CRHBP: variants seen among roughly 807,000 people sequenced by gnomAD.
CRHBP encodes the protein corticotropin-releasing hormone-binding protein.
A neutral mutation model predicts 34.9 loss-of-function variants in CRHBP; 19 were observed. That is an observed-to-expected ratio of 0.55 (90% CI 0.38 to 0.80). CRHBP has a LOEUF of 0.80. Among genes scored for constraint, CRHBP ranks in the 30% least tolerant of loss-of-function variants. The probability of loss-of-function intolerance (pLI) is 0.00; values close to 1 mark genes in which losing one functional copy is unlikely to be tolerated. For missense variants in CRHBP, 328 were observed against 409.2 expected (o/e 0.80, Z 1.71); for synonymous variants, 154 against 153.4 (o/e 1.00, Z -0.03).
At chr5:76,971,811 T>G (rs532817666), downstream of CRHBP, among the ~76,000 whole-genome samples, 1 of 152,196 alleles carries the variant, frequency 6.6e-6, no homozygotes, top group African/African-American at 2.4e-5. Context: ...ATTCTCCATC[T>G]CTGTAATCTT....
At chr5:76,973,834 T>C (rs1302954695), downstream of CRHBP, among the ~76,000 whole-genome samples, 1 of 125,552 alleles carries the variant, frequency 8.0e-6, no homozygotes, top group Non-Finnish European at 1.7e-5. Context: ...AGACAGAGTC[T>C]TGCTCTGTCA....
intron 1 of CRHBP, 103 bp from the exon 2 acceptor site, chr5:76,953,498 C>T: frequency 8.5e-7 from 1 of 1,181,026 alleles, no homozygotes; most frequent in Non-Finnish European, 1.2e-6. Context: ...ACCCCTCTCT[C>T]TTTATTCGCT....
At chr5:76,963,513 T>G in intron 6 of CRHBP, 53 bp downstream of exon 6, 1 of 1,453,922 alleles carries the variant, frequency 6.9e-7, no homozygotes, top group Non-Finnish European at 9.5e-7. Flanking sequence ...TAAAAAAAAA[T>G]AAGCACTCCC....
At chr5:76,965,011 A>T (rs1057438520) in intron 6 of CRHBP, among the ~76,000 whole-genome samples, 6 of 151,708 alleles carry the variant, frequency 4.0e-5, no homozygotes, top group African/African-American at 1.5e-4. Context: ...GAAAAGAATC[A>T]GGTAAAAAAA....
At chr5:76,953,365 TCTCC>T in intron 1 of CRHBP, 150 bp downstream of exon 1, 1 of 849,150 alleles carries the variant, frequency 1.2e-6, no homozygotes, top group Non-Finnish European at 1.9e-6. Flanking sequence ...CCTATCCTGT[TCTCC>T]CTCCTTGCCT....
intron 6 of CRHBP, among the ~76,000 whole-genome samples, chr5:76,967,246 A>T (rs1745873624): frequency 6.6e-6 from 1 of 152,258 alleles, no homozygotes; most frequent in South Asian, 2.1e-4. Flanking sequence ...TGCCACAAAA[A>T]AAAGAAAGGA....
chr5:76,973,951 G>A (rs879794105), downstream of CRHBP, among the ~76,000 whole-genome samples: 6 of 151,044 alleles, frequency 4.0e-5, no homozygotes, highest in Admixed American at 6.6e-5. Context: ...TTACAGGCAC[G>A]TGCCACCACA....
chr5:76,977,394 C>T (rs1262720253), intron 3 of CRHBP, among the ~76,000 whole-genome samples: 2 of 152,136 alleles, frequency 1.3e-5, no homozygotes, highest in East Asian at 3.8e-4. Context: ...GCCATTTTTC[C>T]AACAACATGT....
chr5:76,975,066 T>C (rs1264132028), intron 2 of CRHBP, among the ~76,000 whole-genome samples: 2 of 152,242 alleles, frequency 1.3e-5, no homozygotes, highest in Non-Finnish European at 2.9e-5. Flanking sequence ...TCTTTGTAAC[T>C]AGAAGAATTA....
chr5:76,970,969 T>C (rs1745935950), downstream of CRHBP, among the ~76,000 whole-genome samples: 1 of 152,216 alleles, frequency 6.6e-6, no homozygotes, highest in Non-Finnish European at 1.5e-5. Flanking sequence ...TGGTGAACTG[T>C]CCATGTCTTT....
At chr5:76,964,792 G>A (rs1745835425) in intron 6 of CRHBP, among the ~76,000 whole-genome samples, 1 of 152,126 alleles carries the variant, frequency 6.6e-6, no homozygotes, top group Non-Finnish European at 1.5e-5. Context: ...GGCAGTGGTG[G>A]TTACAGTGAG....
At chr5:76,966,849 A>G (rs184102880) in intron 6 of CRHBP, among the ~76,000 whole-genome samples, 64 of 152,368 alleles carry the variant, frequency 4.2e-4, no homozygotes, top group African/African-American at 1.5e-3. Context: ...GAATTAGTTC[A>G]AAATAATAAA....
At chr5:76,963,503 TAAA>T in intron 6 of CRHBP, 43 bp downstream of exon 6, 1 of 1,431,218 alleles carries the variant, frequency 7.0e-7, no homozygotes. Context: ...CTATCAAGAT[TAAA>T]AAAAAATAAG....
intron 6 of CRHBP, among the ~76,000 whole-genome samples, chr5:76,965,406 C>T (rs369494845): frequency 1.5e-4 from 23 of 152,260 alleles, no homozygotes; most frequent in African/African-American, 5.5e-4. Flanking sequence ...TTCCAAAATC[C>T]CACTTTGCGG....
chr5:76,973,940 A>G (rs901635990), downstream of CRHBP, among the ~76,000 whole-genome samples: 22 of 151,894 alleles, frequency 1.4e-4, no homozygotes, highest in Admixed American at 1.4e-3. Flanking sequence ...AGAAGCTGGG[A>G]TTACAGGCAC....
chr5:76,975,291 C>A (rs1056935475), intron 2 of CRHBP, among the ~76,000 whole-genome samples: 6 of 152,088 alleles, frequency 3.9e-5, no homozygotes, highest in Non-Finnish European at 8.8e-5. Flanking sequence ...CCCTTACAAC[C>A]CTTTTTCTTC....
In CRHBP at chr5:76,953,714, C is replaced by G. The variant is rs1236475950; in HGVS notation, c.175+20C>G. 6.3e-7 allele frequency: 1 copy of G among 1,588,094 alleles called. No individual in the cohort carries two copies. The highest frequency in any genetic ancestry group is 8.6e-7 in the Non-Finnish European group (1 of 1,166,614). ...CTCTGCGTGAGTCGAGGCTGCCCGG[C>G]TCGCGGGCGCCCGGGACGCGGGGAA... On this transcript the variant is annotated intron_variant, in intron 2 of 6. Coordinates refer to ENST00000274368, the MANE Select transcript of CRHBP (RefSeq NM_001882.4).
chr5:76,965,775 T>C lies in CRHBP; in HGVS notation c.811+2315T>C, dbSNP rs1745851691. Among the ~76,000 whole-genome samples the C allele has an allele frequency of 2.6e-5, 4 of 152,242 alleles. No homozygotes were observed. The South Asian group carries it at 6.2e-4, about 24-fold the overall frequency. On this transcript the variant is annotated intron_variant, in intron 6 of 6. Coordinates refer to ENST00000274368, the MANE Select transcript of CRHBP (RefSeq NM_001882.4). The stretch of plus-strand genomic sequence containing the variant: ...AATTTTAAGGCTTGAATTATATCAC[T>C]CTTTGGTTCATTTTAGACTTTATTC...
chr5:76,970,244 C>T (rs947685026), downstream of CRHBP, among the ~76,000 whole-genome samples: 3 of 151,998 alleles, frequency 2.0e-5, no homozygotes, highest in African/African-American at 4.8e-5. Flanking sequence ...CTGTGCCCGG[C>T]TAGAAAATTC....
Sources: gnomAD v4.1 joint callset for allele counts (sites outside exome capture counted in the v4.1 genomes callset) on GRCh38, gnomAD v4.1.1 for gene constraint, MANE v1.5 for transcripts, NCBI Gene and HGNC (gene_info 2026-07-23, HGNC 2026-07-21) for gene names.